The following LRTM3 variants were observed in gnomAD, a reference collection of about 807,000 sequenced individuals.
LRTM3 encodes the protein leucine-rich repeat transmembrane protein 3.
the LRTM3 span, chr13:102,747,857 CCTGAA>C: frequency 6.4e-7 from 1 of 1,551,176 alleles, no homozygotes; most frequent in African/African-American, 1.4e-5. Context: ...TTTACTACTT[CCTGAA>C]CTGATCTGTT....
chr13:102,735,196 C>G, the LRTM3 span: 2 of 1,551,236 alleles, frequency 1.3e-6, no homozygotes, highest in South Asian at 1.2e-5. Flanking sequence ...GTAAGACAGG[C>G]GATTTCTTTG....
the LRTM3 span, chr13:102,736,857 A>T: frequency 4.5e-6 from 7 of 1,551,008 alleles, no homozygotes; most frequent in African/African-American, 1.4e-5. Flanking sequence ...AAATATGACA[A>T]TGTATATTTT....
chr13:102,746,393 T>C, the LRTM3 span: 1 of 1,550,950 alleles, frequency 6.4e-7, no homozygotes, highest in African/African-American at 1.4e-5. Flanking sequence ...TGTTTCTCCT[T>C]GCTTTAATTG....
the LRTM3 span, chr13:102,749,302 C>T: frequency 1.9e-6 from 3 of 1,551,194 alleles, no homozygotes; most frequent in South Asian, 1.2e-5. Flanking sequence ...ACAAAAGAGG[C>T]ACTGAGCTAT....
chr13:102,739,876 G>A, the LRTM3 span: 4 of 1,550,080 alleles, frequency 2.6e-6, no homozygotes, highest in Non-Finnish European at 3.5e-6. Context: ...TGACCATTTT[G>A]TCTGTCATGT....
the LRTM3 span, chr13:102,740,247 T>C: frequency 8.4e-6 from 13 of 1,549,362 alleles, no homozygotes; most frequent in African/African-American, 1.8e-4. Flanking sequence ...GCATATTTTA[T>C]AGTTTTATGG....
the LRTM3 span, chr13:102,740,994 C>T: frequency 6.5e-7 from 1 of 1,550,102 alleles, no homozygotes; most frequent in South Asian, 1.2e-5. Flanking sequence ...ACCGGAATAC[C>T]TACTTCATGT....
the LRTM3 span, chr13:102,736,572 T>C: frequency 1.0e-5 from 16 of 1,551,052 alleles, no homozygotes; most frequent in Non-Finnish European, 1.3e-5. Flanking sequence ...TCTTCTTTTA[T>C]TGAGTCTAAC....
the LRTM3 span, chr13:102,750,109 T>C: frequency 2.6e-6 from 4 of 1,551,164 alleles, no homozygotes; most frequent in Non-Finnish European, 2.6e-6. Flanking sequence ...TTGAAAATAA[T>C]TTCTTGGAGG....
the LRTM3 span, among the ~76,000 whole-genome samples, chr13:102,753,494 T>TAAAAAAAAAAAAAAAA: frequency 1.6e-5 from 2 of 124,418 alleles, no homozygotes; most frequent in Non-Finnish European, 3.3e-5. Context: ...AAAGTAAAAT[T>TAAAAAAAAAAAAAAAA]AAAAAAAAAA....
chr13:102,734,670 T>TCTCCCC, the LRTM3 span: 1 of 1,551,050 alleles, frequency 6.4e-7, no homozygotes, highest in East Asian at 2.4e-5. Context: ...CTATGTACAG[T>TCTCCCC]CTCCCCTATG....
chr13:102,756,673 T>TAAAAAAAAAAAAAAAAA, the LRTM3 span, among the ~76,000 whole-genome samples: 1 of 67,018 alleles, frequency 1.5e-5, no homozygotes, highest in African/African-American at 5.5e-5. Flanking sequence ...AAACTCTGTC[T>TAAAAAAAAAAAAAAAAA]AAAAAAAAAA....
chr13:102,744,681 G>A, the LRTM3 span: 6 of 1,550,632 alleles, frequency 3.9e-6, no homozygotes, highest in Admixed American at 3.9e-5. Context: ...GTACTGAAAC[G>A]GAGGTGTTGA....
chr13:102,749,471 T>C, the LRTM3 span: 1 of 1,551,386 alleles, frequency 6.4e-7, no homozygotes. Flanking sequence ...CTTAATTGAA[T>C]ATTTAACCTT....
the LRTM3 span, chr13:102,750,196 C>T: frequency 1.3e-6 from 2 of 1,551,310 alleles, no homozygotes; most frequent in Non-Finnish European, 1.7e-6. Context: ...CTGAATAAAA[C>T]AATGGCAAAG....
At chr13:102,730,608 T>A in the LRTM3 span, 1 of 1,551,364 alleles carries the variant, frequency 6.4e-7, no homozygotes, top group East Asian at 2.4e-5. Flanking sequence ...CACACAAGGG[T>A]TGGCTGTGGG....
At chr13:102,729,443 T>C in the LRTM3 span, 1 of 1,447,504 alleles carries the variant, frequency 6.9e-7, no homozygotes, top group African/African-American at 1.4e-5. Context: ...AGTTTAGCTA[T>C]GGTAATGTCA....
At chr13:102,731,625 T>C in the LRTM3 span, 9 of 1,551,386 alleles carry the variant, frequency 5.8e-6, no homozygotes, top group East Asian at 2.0e-4. Flanking sequence ...TCTTGGATCA[T>C]ATTTTTAACC....
chr13:102,735,972 G>A, the LRTM3 span: 1 of 1,549,324 alleles, frequency 6.5e-7, no homozygotes, highest in African/African-American at 1.4e-5. Flanking sequence ...AGAAGTGCAA[G>A]TGGGAGTGCC....
Sources: gnomAD v4.1 joint callset for allele counts (sites outside exome capture counted in the v4.1 genomes callset) on GRCh38, gnomAD v4.1.1 for gene constraint, MANE v1.5 for transcripts, NCBI Gene and HGNC (gene_info 2026-07-23, HGNC 2026-07-21) for gene names.